The following L3MBTL4 variants were observed in gnomAD, a reference collection of about 807,000 sequenced individuals.
L3MBTL4 encodes the protein L3MBTL histone methyl-lysine binding protein 4, also known as lethal(3)malignant brain tumor-like protein 4.
In L3MBTL4, 70 loss-of-function variants were observed where a neutral mutation model predicts 84.5. The ratio of observed to expected loss-of-function variants is 0.83; its 90% CI spans 0.68 to 1.01. L3MBTL4 has a LOEUF of 1.01. Among genes scored for constraint, L3MBTL4 ranks in the 50% least tolerant of loss-of-function variants. The pLI, the probability that L3MBTL4 is intolerant of heterozygous loss-of-function variation, is 0.00. For missense variants in L3MBTL4, 715 were observed against 754.8 expected (o/e 0.95, Z 0.62); for synonymous variants, 274 against 259.8 (o/e 1.05, Z -0.52).
At chr18:6,051,643 A>G (rs368114054) in intron 16 of L3MBTL4, among the ~76,000 whole-genome samples, 1 of 152,092 alleles carries the variant, frequency 6.6e-6, no homozygotes, top group African/African-American at 2.4e-5. Context: ...AAATGTCGGC[A>G]GTGGATTGGG....
At chr18:6,056,524 C>T (rs1598588706) in intron 16 of L3MBTL4, among the ~76,000 whole-genome samples, 1 of 152,060 alleles carries the variant, frequency 6.6e-6, no homozygotes, top group Admixed American at 6.5e-5. Context: ...ATATAGTGTG[C>T]CTTATTTTTA....
intron 13 of L3MBTL4, among the ~76,000 whole-genome samples, chr18:6,145,586 GTT>G (rs72394185): frequency 1.2e-4 from 17 of 145,152 alleles, no homozygotes; most frequent in Admixed American, 2.1e-4. Flanking sequence ...CATTTAGCAA[GTT>G]TTTTTTTTTT....
chr18:5,976,614 GTC>G (rs1364460179), intron 16 of L3MBTL4, among the ~76,000 whole-genome samples: 3 of 152,206 alleles, frequency 2.0e-5, no homozygotes, highest in African/African-American at 7.2e-5. Context: ...GAGCGGAAGA[GTC>G]TGTCTGGGGG....
intron 4 of L3MBTL4, among the ~76,000 whole-genome samples, chr18:6,271,981 A>G (rs1352669241): frequency 6.6e-6 from 1 of 152,212 alleles, no homozygotes; most frequent in Non-Finnish European, 1.5e-5. Context: ...TGAAAGGAAC[A>G]CCTGGAGAAG....
chr18:6,087,219 A>G (rs1241376180), intron 15 of L3MBTL4, among the ~76,000 whole-genome samples: 1 of 152,230 alleles, frequency 6.6e-6, no homozygotes, highest in East Asian at 1.9e-4. Flanking sequence ...ATTCAGCAAG[A>G]TAAGTGTTAG....
At chr18:6,220,269 G>A (rs938442037) in intron 10 of L3MBTL4, among the ~76,000 whole-genome samples, 5 of 152,124 alleles carry the variant, frequency 3.3e-5, no homozygotes, top group Admixed American at 2.6e-4. Flanking sequence ...GGAAAAGCAA[G>A]TGCTTACCAT....
At chr18:6,172,158 G>A (rs1454508076) in intron 12 of L3MBTL4, among the ~76,000 whole-genome samples, 2 of 152,188 alleles carry the variant, frequency 1.3e-5, no homozygotes, top group Non-Finnish European at 2.9e-5. Context: ...AAAGTGGTTG[G>A]TAAACGAAAA....
At chr18:6,311,236 GTT>G (rs1489716379) in intron 3 of L3MBTL4, among the ~76,000 whole-genome samples, 2 of 151,894 alleles carry the variant, frequency 1.3e-5, no homozygotes, top group African/African-American at 2.4e-5. Context: ...AGGGGGTCCT[GTT>G]TCTCTGGAGA....
In L3MBTL4 at chr18:6,297,151, AATG is replaced by A. The variant is rs1297544693; in HGVS notation, c.127+4749_127+4751del. Among the ~76,000 whole-genome samples, 11 of 152,196 alleles carry A rather than the reference AATG, an allele frequency of 7.2e-5. No homozygotes were observed. In the East Asian group the frequency reaches 9.6e-4, roughly 13 times the overall value. ...AGCTACACAAGAATAGTTTCAGTGCAATGATGATTATAGACACAGATGGTGGGG... is the reference window on the plus strand; with the variant it reads ...AGCTACACAAGAATAGTTTCAGTGCAATGATTATAGACACAGATGGTGGGG... On this transcript the variant is annotated intron_variant, in intron 4 of 18. Transcript: ENST00000317931.
At chr18:6,064,076 G>A (rs935997681) in intron 16 of L3MBTL4, among the ~76,000 whole-genome samples, 1 of 152,018 alleles carries the variant, frequency 6.6e-6, no homozygotes, top group Non-Finnish European at 1.5e-5. Flanking sequence ...TCTACATGTG[G>A]TTTGCCAGTT....
In L3MBTL4 at chr18:6,238,147, C is replaced by T. The variant is rs9748339; in HGVS notation, c.708-107G>A. On this transcript the variant is annotated intron_variant, in intron 9 of 18. Coordinates refer to ENST00000317931, the MANE Select transcript of L3MBTL4 (RefSeq NM_001330559.2). Reference sequence around the variant, plus strand: ...TCAACAGATACCACAGAAAACAGTACTTCATAGCTGGAGAGAATTAGAAGG... The same window carrying T: ...TCAACAGATACCACAGAAAACAGTATTTCATAGCTGGAGAGAATTAGAAGG... 68 of 968,104 alleles carry T rather than the reference C, an allele frequency of 7.0e-5. No homozygotes were observed. In the African/African-American group the frequency reaches 9.9e-4, roughly 14 times the overall value. 60.0% of individuals were successfully genotyped at this position (968,104 alleles called of 1,614,324 possible). A position where few individuals can be genotyped will look rare whatever the true frequency, so the allele number is the denominator to read the frequency against.
chr18:6,072,612 G>A (rs1007616117), intron 16 of L3MBTL4, among the ~76,000 whole-genome samples: 7 of 150,646 alleles, frequency 4.6e-5, no homozygotes, highest in Non-Finnish European at 1.0e-4. Flanking sequence ...AGGCCGAGGC[G>A]GGTGAATCAT....
At chr18:5,984,227 TA>T (rs2053366938) in intron 16 of L3MBTL4, among the ~76,000 whole-genome samples, 1 of 152,228 alleles carries the variant, frequency 6.6e-6, no homozygotes, top group South Asian at 2.1e-4. Context: ...GAAATTTATT[TA>T]AAGGCCATGT....
intron 13 of L3MBTL4, among the ~76,000 whole-genome samples, chr18:6,170,590 G>A (rs1390359055): frequency 6.6e-6 from 1 of 152,142 alleles, no homozygotes; most frequent in Admixed American, 6.5e-5. Flanking sequence ...AAAGCCAGGT[G>A]GGTAGAGTGA....
intron 4 of L3MBTL4, among the ~76,000 whole-genome samples, chr18:6,294,868 A>G (rs2050022811): frequency 6.6e-6 from 1 of 152,204 alleles, no homozygotes; most frequent in African/African-American, 2.4e-5. Context: ...TGAAGGCGTT[A>G]ATAATCTGAA....
chr18:6,195,790 C>A lies in L3MBTL4; in HGVS notation c.981+17359G>T, dbSNP rs770193459. On this transcript the variant is annotated intron_variant, in intron 12 of 18. Transcript: ENST00000317931. The stretch of plus-strand genomic sequence containing the variant: ...CTTATCTGATTGGCCTTATTGGTTG[C>A]CCCATAAAGCTTGGCTTCCCTGTAC... 1.3e-5 allele frequency among the ~76,000 whole-genome samples: 2 copies of A among 152,084 alleles called. 1 individual carries two copies. The highest frequency in any genetic ancestry group is 4.1e-4 in the South Asian group (2 of 4,826).
At chr18:6,110,798 T>A (rs2059172366) in intron 14 of L3MBTL4, among the ~76,000 whole-genome samples, 2 of 152,064 alleles carry the variant, frequency 1.3e-5, no homozygotes, top group Admixed American at 1.3e-4. Flanking sequence ...CTGCCTACAG[T>A]TACTATTTTG....
chr18:6,120,861 T>C (rs185955764), intron 14 of L3MBTL4, among the ~76,000 whole-genome samples: 13 of 152,346 alleles, frequency 8.5e-5, no homozygotes, highest in Admixed American at 2.0e-4. Context: ...AATTTATCTA[T>C]GCACTGTTGA....
chr18:6,195,235 A>G (rs565466396), intron 12 of L3MBTL4, among the ~76,000 whole-genome samples: 1 of 152,250 alleles, frequency 6.6e-6, no homozygotes, highest in Non-Finnish European at 1.5e-5. Flanking sequence ...ATCAGTAACC[A>G]GGGTCTGTCC....
Sources: gnomAD v4.1 joint callset for allele counts (sites outside exome capture counted in the v4.1 genomes callset) on GRCh38, gnomAD v4.1.1 for gene constraint, MANE v1.5 for transcripts, NCBI Gene and HGNC (gene_info 2026-07-23, HGNC 2026-07-21) for gene names.